CDK5RAP1: variants seen among roughly 807,000 people sequenced by gnomAD.
CDK5RAP1 encodes mitochondrial tRNA methylthiotransferase CDK5RAP1.
CDK5RAP1 carries 62 observed loss-of-function variants against 64.5 expected under a neutral mutation model. The observed-to-expected ratio is 0.96, with a 90% CI of 0.78 to 1.19. The LOEUF (loss-of-function observed/expected upper bound fraction) is 1.19, where lower values mean the gene tolerates loss of function less well. Among genes scored for constraint, CDK5RAP1 ranks in the 50% most tolerant of loss-of-function variants. The pLI is 0.00. For synonymous variants in CDK5RAP1, 250 were observed against 261.9 expected, an observed-to-expected ratio of 0.95 and a Z score of 0.44; for missense variants, 657 against 735.0, an observed-to-expected ratio of 0.89 and a Z score of 1.23.
chr20:33,374,091 G>GC, intron 9 of CDK5RAP1, 24 bp downstream of exon 9: 1 of 1,507,698 alleles, frequency 6.6e-7, no homozygotes, highest in Non-Finnish European at 9.2e-7. Context: ...AGTGAGGGAT[G>GC]CCCCCTCTCC....
intron 11 of CDK5RAP1, among the ~76,000 whole-genome samples, chr20:33,368,866 C>T (rs1036317851): frequency 1.4e-5 from 2 of 147,970 alleles, no homozygotes; most frequent in East Asian, 2.0e-4. Flanking sequence ...AGCGAGACTC[C>T]GTCTCAAAAA....
chr20:33,376,784 T>G (rs1986048503), intron 8 of CDK5RAP1, among the ~76,000 whole-genome samples: 1 of 152,204 alleles, frequency 6.6e-6, no homozygotes, highest in Non-Finnish European at 1.5e-5. Flanking sequence ...CAGAGTAAAC[T>G]GAAAACATTC....
At chr20:33,361,353 G>A (rs1466377059) in intron 12 of CDK5RAP1, among the ~76,000 whole-genome samples, 2 of 152,152 alleles carry the variant, frequency 1.3e-5, no homozygotes, top group African/African-American at 4.8e-5. Context: ...GAGCAAAGCG[G>A]AAAAAGAATT....
intron 9 of CDK5RAP1, 193 bp downstream of exon 9, chr20:33,373,922 C>T: frequency 1.8e-6 from 1 of 566,040 alleles, no homozygotes; most frequent in Non-Finnish European, 3.1e-6. Flanking sequence ...AATGGGTGAC[C>T]AGTCCTTAGC....
chr20:33,373,561 G>A (rs569270790), intron 9 of CDK5RAP1: 4 of 152,872 alleles, frequency 2.6e-5, no homozygotes, highest in African/African-American at 9.6e-5. Context: ...ACAAGACAAA[G>A]CACTAATTCC....
intron 2 of CDK5RAP1, 33 bp downstream of exon 2, chr20:33,396,728 G>C: frequency 6.6e-7 from 1 of 1,507,356 alleles, no homozygotes; most frequent in South Asian, 1.2e-5. Flanking sequence ...AGCAAGGCAG[G>C]AAGCCCAAAG....
At chr20:33,371,776 C>T (rs1445727936) in intron 10 of CDK5RAP1, among the ~76,000 whole-genome samples, 1 of 151,880 alleles carries the variant, frequency 6.6e-6, no homozygotes, top group Non-Finnish European at 1.5e-5. Flanking sequence ...GAGCAAGATT[C>T]TGTCTCAAAA....
At chr20:33,361,211 C>T (rs560678113) in intron 12 of CDK5RAP1, among the ~76,000 whole-genome samples, 8 of 152,280 alleles carry the variant, frequency 5.3e-5, no homozygotes, top group South Asian at 2.1e-4. Flanking sequence ...ACATGCCAGA[C>T]GGGAGCCTGT....
intron 11 of CDK5RAP1, 48 bp downstream of exon 11, chr20:33,370,451 C>T (rs759669447): frequency 6.2e-7 from 1 of 1,607,556 alleles, no homozygotes; most frequent in Admixed American, 1.7e-5. Flanking sequence ...GTCACCACCC[C>T]CAAACTGGTC....
At chr20:33,366,137 G>A (rs1983886181) in intron 12 of CDK5RAP1, among the ~76,000 whole-genome samples, 1 of 152,004 alleles carries the variant, frequency 6.6e-6, no homozygotes, top group Non-Finnish European at 1.5e-5. Context: ...TGGACAACAT[G>A]GTGAAATCCT....
chr20:33,358,972 A>G lies in CDK5RAP1; in HGVS notation c.*71T>C. On this transcript the variant is annotated 3_prime_UTR_variant, in exon 14 of 14. Coordinates refer to ENST00000346416, the MANE Select transcript of CDK5RAP1 (RefSeq NM_016408.4). ...CTCCACCTTCATGACCTGTTTCCTC[A>G]GTGGCAGGCAATGTCTCCCCTTCCT... 9.1e-7 allele frequency: 1 copy of G among 1,099,042 alleles called. No individual in the cohort carries two copies. The highest frequency in any genetic ancestry group is 1.8e-5 in the Admixed American group (1 of 54,220). The allele number at this position is 1,099,042 out of a possible 1,614,324, so 68.1% of individuals were successfully genotyped here. A position where few individuals can be genotyped will look rare whatever the true frequency, so the allele number is the denominator to read the frequency against.
At chr20:33,364,071 G>T (rs1983422459) in intron 12 of CDK5RAP1, among the ~76,000 whole-genome samples, 1 of 151,658 alleles carries the variant, frequency 6.6e-6, no homozygotes, top group Non-Finnish European at 1.5e-5. Flanking sequence ...AATCTAAAAA[G>T]AATATTAAGA....
chr20:33,361,236 G>C (rs1458590720), intron 12 of CDK5RAP1, among the ~76,000 whole-genome samples: 1 of 152,206 alleles, frequency 6.6e-6, no homozygotes, highest in Non-Finnish European at 1.5e-5. Flanking sequence ...CAGGAGGGGA[G>C]AGCTCAAGCA....
chr20:33,372,547 T>C lies in CDK5RAP1; in HGVS notation c.1261+95A>G, dbSNP rs17124661. 2.6e-3 allele frequency: 1,491 copies of C among 570,696 alleles called. 16 individuals are homozygous for C. The highest frequency in any genetic ancestry group is 0.026 in the African/African-American group (1,343 of 51,884). 35.4% of individuals were successfully genotyped at this position (570,696 alleles called of 1,614,324 possible). ...AGAGCACAAAAGTTATGAAACTGTG[T>C]CACAAGGAAATGCCAAAGGTGTTGA... On this transcript the variant is annotated intron_variant, in intron 10 of 13. Coordinates refer to ENST00000346416, the MANE Select transcript of CDK5RAP1 (RefSeq NM_016408.4).
chr20:33,395,176 A>C, intron 2 of CDK5RAP1, 60 bp from the exon 3 acceptor site: 1 of 947,952 alleles, frequency 1.1e-6, no homozygotes, highest in South Asian at 1.3e-5. Context: ...CTCGTGTCTC[A>C]AAAGGTCTCC....
At position 33,400,828 on chromosome 20, in the gene CDK5RAP1, G is replaced by A. The variant is rs368902425; in HGVS notation, c.-21+600C>T. Among the ~76,000 whole-genome samples the A allele has an allele frequency of 2.0e-5, 3 of 152,130 alleles. No individual in the cohort carries two copies. In the East Asian group the frequency reaches 5.8e-4, roughly 29 times the overall value. On this transcript the variant is annotated intron_variant, in intron 1 of 13. Transcript: ENST00000346416. ...AGACTCCCGTCTCAAGAAAAAAAAA[G>A]TATGGACCCTGGAGTCAGAATCTGA...
At chr20:33,399,638 G>C in intron 1 of CDK5RAP1, among the ~76,000 whole-genome samples, 1 of 152,172 alleles carries the variant, frequency 6.6e-6, no homozygotes, top group East Asian at 1.9e-4. Context: ...TTTGGTACTA[G>C]GAATTGGTTT....
At chr20:33,385,831 A>C in intron 6 of CDK5RAP1, 61 bp from the exon 7 acceptor site, 1 of 1,478,650 alleles carries the variant, frequency 6.8e-7, no homozygotes, top group Non-Finnish European at 9.2e-7. Flanking sequence ...TGACCCAAGG[A>C]GCAGGACTCA....
chr20:33,363,535 A>C (rs118156606), intron 12 of CDK5RAP1, among the ~76,000 whole-genome samples: 3,261 of 152,252 alleles, frequency 0.021, 228 homozygotes, highest in Admixed American at 0.14. Flanking sequence ...GGGGAAAAAA[A>C]GTTCTTTATA....
Sources: gnomAD v4.1 joint callset for allele counts (sites outside exome capture counted in the v4.1 genomes callset) on GRCh38, gnomAD v4.1.1 for gene constraint, MANE v1.5 for transcripts, NCBI Gene and HGNC (gene_info 2026-07-23, HGNC 2026-07-21) for gene names.